SNTG2: variants seen among roughly 807,000 people sequenced by gnomAD.
SNTG2 encodes syntrophin gamma 2.
Under a neutral mutation model 70.9 loss-of-function variants are expected in SNTG2, and 74 were observed. That is an observed-to-expected ratio of 1.04 (90% CI 0.86 to 1.27). SNTG2 has a LOEUF of 1.27. Ranked by LOEUF, SNTG2 falls within the 50% of genes most tolerant of loss-of-function variation. The pLI is 0.00. For synonymous variants in SNTG2, 278 were observed against 273.8 expected (o/e 1.02, Z -0.15); for missense variants, 717 against 690.7 (o/e 1.04, Z -0.43).
At chr2:1,028,880 T>A (rs560993768) in intron 1 of SNTG2, among the ~76,000 whole-genome samples, 160 of 152,306 alleles carry the variant, frequency 1.1e-3, no homozygotes, top group Non-Finnish European at 1.9e-3. Context: ...TGAATTTGTA[T>A]CTACTTTTTA....
At chr2:1,154,853 CAT>C (rs746247206) in intron 6 of SNTG2, among the ~76,000 whole-genome samples, 5 of 151,686 alleles carry the variant, frequency 3.3e-5, no homozygotes, top group Non-Finnish European at 5.9e-5. Flanking sequence ...ACAAACAACA[CAT>C]AGACATGCAC....
At chr2:1,222,471 G>C (rs587681224) in intron 9 of SNTG2, among the ~76,000 whole-genome samples, 3 of 142,654 alleles carry the variant, frequency 2.1e-5, no homozygotes, top group Non-Finnish European at 3.1e-5. Context: ...GGAGGTGCTG[G>C]ATCGCTGTAG....
At chr2:1,311,488 T>G (rs535378481) in intron 15 of SNTG2, among the ~76,000 whole-genome samples, 2 of 152,346 alleles carry the variant, frequency 1.3e-5, no homozygotes, top group African/African-American at 4.8e-5. Context: ...GATAAACCAA[T>G]GGGTTGTAAA....
At chr2:1,348,643 G>A (rs548867712) in intron 16 of SNTG2, among the ~76,000 whole-genome samples, 1 of 152,168 alleles carries the variant, frequency 6.6e-6, no homozygotes, top group African/African-American at 2.4e-5. Context: ...GTATTTGATT[G>A]AAGTCTGCTG....
intron 16 of SNTG2, chr2:1,346,582 G>A (rs1389701641): frequency 6.6e-6 from 1 of 152,318 alleles, no homozygotes; most frequent in Non-Finnish European, 1.5e-5. Context: ...GGAAGACGAA[G>A]AGGATGGCAA....
intron 1 of SNTG2, among the ~76,000 whole-genome samples, chr2:1,033,406 C>G (rs1265418193): frequency 6.6e-6 from 1 of 152,204 alleles, no homozygotes; most frequent in Admixed American, 6.5e-5. Context: ...TTTGGAGAAA[C>G]TCCACAAATG....
At chr2:1,101,971 A>G (rs192906769) in intron 4 of SNTG2, among the ~76,000 whole-genome samples, 1 of 152,358 alleles carries the variant, frequency 6.6e-6, no homozygotes, top group Admixed American at 6.5e-5. Context: ...ATATAAAATT[A>G]TTAGTGTGCT....
chr2:1,109,491 A>C (rs1440247547), intron 4 of SNTG2, among the ~76,000 whole-genome samples: 1 of 152,154 alleles, frequency 6.6e-6, no homozygotes, highest in Non-Finnish European at 1.5e-5. Context: ...TTCATAAAAA[A>C]CATATGAAAT....
intron 2 of SNTG2, among the ~76,000 whole-genome samples, chr2:1,092,407 C>T (rs1040954729): frequency 6.6e-6 from 1 of 152,132 alleles, no homozygotes; most frequent in South Asian, 2.1e-4. Context: ...GGGATTAACA[C>T]CCCAGGTCAT....
chr2:1,174,254 G>A (rs1375032998), intron 8 of SNTG2, among the ~76,000 whole-genome samples: 2 of 150,840 alleles, frequency 1.3e-5, no homozygotes, highest in African/African-American at 4.9e-5. Flanking sequence ...TGAATTTTGT[G>A]TTTGTCATTT....
At chr2:1,081,073 C>T (rs1664256378) in intron 1 of SNTG2, among the ~76,000 whole-genome samples, 1 of 152,134 alleles carries the variant, frequency 6.6e-6, no homozygotes, top group Non-Finnish European at 1.5e-5. Flanking sequence ...CAGGGCCCTT[C>T]TCTTTTACGG....
At chr2:1,267,796 G>C (rs569505459) in intron 14 of SNTG2, among the ~76,000 whole-genome samples, 46 of 152,310 alleles carry the variant, frequency 3.0e-4, no homozygotes, top group African/African-American at 1.1e-3. Flanking sequence ...TTTTGTGTCT[G>C]TGTCTACATT....
At chr2:983,608 TCTC>T (rs1483687938) in intron 1 of SNTG2, among the ~76,000 whole-genome samples, 2 of 152,206 alleles carry the variant, frequency 1.3e-5, no homozygotes, top group Non-Finnish European at 2.9e-5. Flanking sequence ...CACCTGCCCT[TCTC>T]CTGTTCTGCA....
chr2:1,135,228 T>A (rs187828049), intron 4 of SNTG2, among the ~76,000 whole-genome samples: 1 of 152,336 alleles, frequency 6.6e-6, no homozygotes, highest in African/African-American at 2.4e-5. Flanking sequence ...AATTTGGTTA[T>A]GCATTTTGGT....
chr2:1,356,656 A>G (rs1174048038), intron 16 of SNTG2, among the ~76,000 whole-genome samples: 1 of 152,090 alleles, frequency 6.6e-6, no homozygotes, highest in Non-Finnish European at 1.5e-5. Flanking sequence ...GCTATTCAGG[A>G]TTTTTTGTGG....
At chr2:1,217,362 T>C (rs887833812) in intron 9 of SNTG2, among the ~76,000 whole-genome samples, 2 of 152,216 alleles carry the variant, frequency 1.3e-5, no homozygotes, top group Non-Finnish European at 2.9e-5. Context: ...GGATAAATTA[T>C]GTGTCATTGT....
chr2:1,236,492 CCACA>C (rs1368156586), intron 9 of SNTG2, among the ~76,000 whole-genome samples: 3 of 152,228 alleles, frequency 2.0e-5, no homozygotes, highest in African/African-American at 7.2e-5. Flanking sequence ...CTCTCCGGCT[CCACA>C]CAGTCACCTC....
intron 14 of SNTG2, among the ~76,000 whole-genome samples, chr2:1,286,032 C>T (rs1248372340): frequency 2.0e-5 from 3 of 152,250 alleles, no homozygotes; most frequent in Non-Finnish European, 4.4e-5. Context: ...ACTGTAACTC[C>T]TCTCTTAGCC....
At chr2:986,508 A>G (rs776713675) in intron 1 of SNTG2, among the ~76,000 whole-genome samples, 2 of 152,230 alleles carry the variant, frequency 1.3e-5, no homozygotes, top group African/African-American at 2.4e-5. Context: ...TGTCATGGTT[A>G]GTTAAAAAGG....
Sources: gnomAD v4.1 joint callset for allele counts (sites outside exome capture counted in the v4.1 genomes callset) on GRCh38, gnomAD v4.1.1 for gene constraint, MANE v1.5 for transcripts, NCBI Gene and HGNC (gene_info 2026-07-23, HGNC 2026-07-21) for gene names.